Variants in THSD4 observed in about 807,000 individuals in gnomAD.
The protein encoded by THSD4 is thrombospondin type 1 domain containing 4.
A neutral mutation model predicts 119.0 loss-of-function variants in THSD4; 69 were observed. The observed-to-expected ratio is 0.58, with a 90% CI of 0.48 to 0.71. THSD4 has a LOEUF of 0.71. Ranked by LOEUF, THSD4 falls within the 30% of genes least tolerant of loss-of-function variation. The pLI, the probability that THSD4 is intolerant of heterozygous loss-of-function variation, is 0.00. For synonymous variants in THSD4, 524 were observed against 540.4 expected, an observed-to-expected ratio of 0.97 and a Z score of 0.42; for missense variants, 1,393 against 1,391.1, an observed-to-expected ratio of 1.00 and a Z score of -0.02.
At chr15:71,377,113 G>A (rs974311345) in intron 6 of THSD4, among the ~76,000 whole-genome samples, 3 of 152,216 alleles carry the variant, frequency 2.0e-5, no homozygotes, top group Non-Finnish European at 4.4e-5. Flanking sequence ...ACTCCCAGGA[G>A]GGAATCAATG....
intron 7 of THSD4, among the ~76,000 whole-genome samples, chr15:71,617,395 T>A (rs1425020471): frequency 6.6e-6 from 1 of 152,238 alleles, no homozygotes; most frequent in Non-Finnish European, 1.5e-5. Flanking sequence ...TCATTTCTCA[T>A]TGCCTTCTCT....
intron 6 of THSD4, among the ~76,000 whole-genome samples, chr15:71,398,773 G>A (rs1024043683): frequency 6.6e-6 from 1 of 152,048 alleles, no homozygotes; most frequent in Non-Finnish European, 1.5e-5. Context: ...TCCAGCACCA[G>A]GGCAGACCCA....
At chr15:71,228,686 C>A (rs1008776567) in intron 4 of THSD4, among the ~76,000 whole-genome samples, 3 of 152,186 alleles carry the variant, frequency 2.0e-5, no homozygotes, top group African/African-American at 7.2e-5. Context: ...AACCAGAGAA[C>A]CTGGCTTTAA....
chr15:71,356,318 T>G (rs1480754077), intron 6 of THSD4, among the ~76,000 whole-genome samples: 1 of 152,166 alleles, frequency 6.6e-6, no homozygotes, highest in African/African-American at 2.4e-5. Context: ...GAGGTGGCCA[T>G]GCAGTCATTC....
At chr15:71,250,481 C>T (rs1051912512) in intron 5 of THSD4, among the ~76,000 whole-genome samples, 16 of 152,094 alleles carry the variant, frequency 1.1e-4, no homozygotes, top group African/African-American at 3.4e-4. Flanking sequence ...CTACCATGCT[C>T]AGCTTATTTT....
chr15:71,660,822 C>A, intron 8 of THSD4, 88 bp downstream of exon 8: 1 of 1,466,200 alleles, frequency 6.8e-7, no homozygotes, highest in East Asian at 2.4e-5. Flanking sequence ...CAGCAGTGTC[C>A]GAGAGTCCCG....
chr15:71,502,359 TG>T (rs1419847799), intron 7 of THSD4, among the ~76,000 whole-genome samples: 1 of 152,114 alleles, frequency 6.6e-6, no homozygotes, highest in Non-Finnish European at 1.5e-5. Context: ...AAAATTAGGG[TG>T]GGGAAGTGAA....
At chr15:71,156,196 G>A (rs1464544077) in intron 3 of THSD4, among the ~76,000 whole-genome samples, 1 of 152,056 alleles carries the variant, frequency 6.6e-6, no homozygotes, top group African/African-American at 2.4e-5. Context: ...CTCCTGAGAA[G>A]AGATCAGTTA....
chr15:71,725,953 G>A (rs1308734327), intron 8 of THSD4, among the ~76,000 whole-genome samples: 3 of 152,006 alleles, frequency 2.0e-5, no homozygotes, highest in South Asian at 2.1e-4. Context: ...GGCTAATTTT[G>A]TACTTTTAGC....
chr15:71,653,845 A>G (rs1356394007), intron 7 of THSD4, among the ~76,000 whole-genome samples: 1 of 152,214 alleles, frequency 6.6e-6, no homozygotes, highest in Non-Finnish European at 1.5e-5. Context: ...TTTGGAACAA[A>G]TCAAGTGGGT....
chr15:71,366,669 C>T (rs997336608), intron 6 of THSD4, among the ~76,000 whole-genome samples: 1 of 152,176 alleles, frequency 6.6e-6, no homozygotes, highest in African/African-American at 2.4e-5. Context: ...TCAATGCAGT[C>T]TGGCTCTCTC....
intron 7 of THSD4, among the ~76,000 whole-genome samples, chr15:71,603,741 T>G (rs1595777745): frequency 6.6e-6 from 1 of 152,034 alleles, no homozygotes; most frequent in Admixed American, 6.5e-5. Flanking sequence ...CTCCCTCTGG[T>G]GGGAGAATTT....
At chr15:71,391,320 C>G (rs547019898) in intron 6 of THSD4, among the ~76,000 whole-genome samples, 1 of 152,068 alleles carries the variant, frequency 6.6e-6, no homozygotes, top group Non-Finnish European at 1.5e-5. Context: ...TGAGCCACCG[C>G]GCCTGGCAAC....
chr15:71,688,985 A>G (rs182800451), intron 8 of THSD4, among the ~76,000 whole-genome samples: 1 of 152,180 alleles, frequency 6.6e-6, no homozygotes, highest in Non-Finnish European at 1.5e-5. Flanking sequence ...GGCCCATGAG[A>G]TAAAGCTCAG....
intron 6 of THSD4, among the ~76,000 whole-genome samples, chr15:71,328,609 T>G (rs2045378532): frequency 6.6e-6 from 1 of 152,174 alleles, no homozygotes; most frequent in South Asian, 2.1e-4. Flanking sequence ...CGAGAGAGAA[T>G]GACTTGCTGA....
intron 8 of THSD4, among the ~76,000 whole-genome samples, chr15:71,675,540 G>A (rs893927290): frequency 2.6e-5 from 4 of 152,152 alleles, no homozygotes; most frequent in African/African-American, 9.7e-5. Flanking sequence ...CATGCATGGT[G>A]TGCAGCCCGT....
intron 4 of THSD4, among the ~76,000 whole-genome samples, chr15:71,227,128 G>T (rs1333215160): frequency 6.6e-6 from 1 of 152,186 alleles, no homozygotes; most frequent in East Asian, 1.9e-4. Flanking sequence ...GGTTAGGAAG[G>T]ATTGGAGCCA....
At chr15:71,295,731 G>T (rs8030887) in intron 6 of THSD4, among the ~76,000 whole-genome samples, 146,768 of 152,224 alleles carry the variant, frequency 0.96, 70,953 homozygotes, top group East Asian at 1. Flanking sequence ...CAATCAATGA[G>T]TTTTAGTAAG....
chr15:71,594,198 G>A (rs1253942701), intron 7 of THSD4, among the ~76,000 whole-genome samples: 1 of 151,362 alleles, frequency 6.6e-6, no homozygotes, highest in African/African-American at 2.4e-5. Context: ...CTGTTCCCAA[G>A]CCTGGATGAA....
Sources: gnomAD v4.1 joint callset for allele counts (sites outside exome capture counted in the v4.1 genomes callset) on GRCh38, gnomAD v4.1.1 for gene constraint, MANE v1.5 for transcripts, NCBI Gene and HGNC (gene_info 2026-07-23, HGNC 2026-07-21) for gene names.